Variants in BACE2 observed in about 807,000 individuals in gnomAD.
BACE2 encodes beta-secretase 2, also known as 56 kDa aspartic-like protease.
Under a neutral mutation model 46.2 loss-of-function variants are expected in BACE2, and 17 were observed. That is an observed-to-expected ratio of 0.37 (90% CI 0.25 to 0.55). BACE2 has a LOEUF of 0.55. BACE2 is among the 20% of genes least tolerant of loss of function. BACE2 has a pLI of 0.82. For missense variants in BACE2, 595 were observed against 698.1 expected (o/e 0.85, Z 1.66); for synonymous variants, 277 against 295.9 (o/e 0.94, Z 0.66).
At position 41,281,185 on chromosome 21, in the gene BACE2, C is replaced by T. The variant is rs541384205; in HGVS notation, c.*5561C>T. 1.3e-5 allele frequency: 2 copies of T among 152,318 alleles called. No homozygotes were observed. The highest frequency in any genetic ancestry group is 4.8e-5 in the African/African-American group (2 of 41,576). 9.4% of individuals were successfully genotyped at this position (152,318 alleles called of 1,614,324 possible). On this transcript the variant is annotated 3_prime_UTR_variant, in exon 9 of 9. Transcript: ENST00000330333. ...AGATGGATAATTGTTTGTGTAAGAC[C>T]AACCAGATAAAGTCCAAACTGTGTA...
At chr21:41,221,608 G>T (rs55933613) in intron 1 of BACE2, among the ~76,000 whole-genome samples, 2 of 152,022 alleles carry the variant, frequency 1.3e-5, no homozygotes, top group African/African-American at 4.8e-5. Flanking sequence ...GGTGGATCAC[G>T]AGGTCAGGAG....
At chr21:41,263,331 A>G (rs1054857732) in intron 8 of BACE2, among the ~76,000 whole-genome samples, 1 of 152,204 alleles carries the variant, frequency 6.6e-6, no homozygotes, top group Non-Finnish European at 1.5e-5. Flanking sequence ...ACTTAACCAG[A>G]AGGTTCATAA....
chr21:41,246,099 C>G, intron 6 of BACE2, 36 bp downstream of exon 6: 7 of 1,534,950 alleles, frequency 4.6e-6, no homozygotes, highest in Non-Finnish European at 6.2e-6. Flanking sequence ...CCCCGAGTTG[C>G]TGAGTTACAG....
At chr21:41,206,412 C>T (rs1986125632) in intron 1 of BACE2, among the ~76,000 whole-genome samples, 1 of 152,154 alleles carries the variant, frequency 6.6e-6, no homozygotes, top group Non-Finnish European at 1.5e-5. Context: ...GCAGGGGATA[C>T]AAACAATCAG....
intron 1 of BACE2, among the ~76,000 whole-genome samples, chr21:41,218,327 G>GA (rs1256187448): frequency 6.6e-6 from 1 of 152,122 alleles, no homozygotes; most frequent in Non-Finnish European, 1.5e-5. Context: ...AAAGTGTTAA[G>GA]AAAAAAAATA....
chr21:41,170,213 A>AT (rs1175875457), intron 1 of BACE2, among the ~76,000 whole-genome samples: 2 of 37,040 alleles, frequency 5.4e-5, no homozygotes, highest in Non-Finnish European at 9.0e-5. Context: ...AACTTTGGCA[A>AT]TCAAAAAAAA....
chr21:41,215,519 G>T (rs1011723180), intron 1 of BACE2, among the ~76,000 whole-genome samples: 4 of 152,222 alleles, frequency 2.6e-5, no homozygotes, highest in Non-Finnish European at 5.9e-5. Flanking sequence ...GATGTTGGCG[G>T]CAGGGTTGGA....
At chr21:41,255,569 T>G (rs1024882507) in intron 7 of BACE2, among the ~76,000 whole-genome samples, 2 of 152,182 alleles carry the variant, frequency 1.3e-5, no homozygotes, top group Non-Finnish European at 2.9e-5. Flanking sequence ...CTTCCCGCCC[T>G]ATGGTTACTG....
At position 41,190,849 on chromosome 21, in the gene BACE2, C is replaced by T. The variant is rs533867727; in HGVS notation, c.312+22274C>T. Among the ~76,000 whole-genome samples the T allele has an allele frequency of 7.2e-5, 11 of 152,300 alleles. No homozygotes were observed. In the South Asian group the frequency reaches 1.2e-3, roughly 17 times the overall value. On this transcript the variant is annotated intron_variant, in intron 1 of 8. Transcript: ENST00000330333. The stretch of plus-strand genomic sequence containing the variant: ...TCTTGATAGTCTGGGTCAATCACCC[C>T]GGCCAACTGTAACTCCCATCTTAGC...
chr21:41,208,436 C>T (rs2410405), intron 1 of BACE2, among the ~76,000 whole-genome samples: 49,988 of 152,088 alleles, frequency 0.33, 8,658 homozygotes, highest in Middle Eastern at 0.49. Flanking sequence ...CTGCTCCACT[C>T]GCCCAAGCCG....
intron 1 of BACE2, among the ~76,000 whole-genome samples, chr21:41,223,051 G>A (rs1295394611): frequency 1.3e-5 from 2 of 152,102 alleles, no homozygotes; most frequent in Non-Finnish European, 2.9e-5. Flanking sequence ...CACAAACTGA[G>A]AGCTGAAAAC....
intron 1 of BACE2, chr21:41,183,975 C>T (rs1985252966): frequency 6.0e-6 from 1 of 167,030 alleles, no homozygotes; most frequent in Non-Finnish European, 1.5e-5. Context: ...TCCTGAGGGG[C>T]AAGGAGGCTT....
At chr21:41,204,010 G>A (rs1354789456) in intron 1 of BACE2, among the ~76,000 whole-genome samples, 1 of 152,106 alleles carries the variant, frequency 6.6e-6, no homozygotes, top group Admixed American at 6.5e-5. Flanking sequence ...TACTGTGGAG[G>A]AGAACAGAGA....
chr21:41,214,661 C>T (rs1307697789), intron 1 of BACE2, among the ~76,000 whole-genome samples: 1 of 152,218 alleles, frequency 6.6e-6, no homozygotes, highest in African/African-American at 2.4e-5. Flanking sequence ...CTGCCACTTG[C>T]CCTTCACTGC....
chr21:41,219,973 C>G (rs1391927529), intron 1 of BACE2, among the ~76,000 whole-genome samples: 5 of 152,190 alleles, frequency 3.3e-5, no homozygotes, highest in African/African-American at 7.2e-5. Context: ...CCCAGTCCCC[C>G]AAGACTGCCC....
intron 1 of BACE2, chr21:41,180,175 T>G (rs971953839): frequency 1.4e-5 from 3 of 222,138 alleles, no homozygotes. Flanking sequence ...GGGTGGTAAC[T>G]TCTGGGTGCT....
At chr21:41,236,944 C>G (rs1208691022) in intron 2 of BACE2, among the ~76,000 whole-genome samples, 1 of 152,226 alleles carries the variant, frequency 6.6e-6, no homozygotes, top group Non-Finnish European at 1.5e-5. Flanking sequence ...ATGTTTACAC[C>G]AGTGCGTCCC....
At position 41,275,773 on chromosome 21, in the gene BACE2, T is replaced by G. The variant is rs2123657513; in HGVS notation, c.*149T>G. 1 of 873,432 alleles carries G rather than the reference T, an allele frequency of 1.1e-6. No homozygotes were observed. The highest frequency in any genetic ancestry group is 1.9e-5 in the South Asian group (1 of 53,160). The allele number at this position is 873,432 out of a possible 1,614,324, so 54.1% of individuals were successfully genotyped here. On this transcript the variant is annotated 3_prime_UTR_variant, in exon 9 of 9. Transcript: ENST00000330333. Reference sequence around the variant, plus strand: ...GCTCCCAGATGCCTTCTAGATTCACTGTCTTTTGATTCTTGATTTTCAAGC... The same window carrying G: ...GCTCCCAGATGCCTTCTAGATTCACGGTCTTTTGATTCTTGATTTTCAAGC...
chr21:41,239,212 A>C (rs1987221595), intron 3 of BACE2, among the ~76,000 whole-genome samples: 1 of 152,072 alleles, frequency 6.6e-6, no homozygotes, highest in African/African-American at 2.4e-5. Flanking sequence ...GGCAAGAGGA[A>C]GTTTACAGCC....
Sources: allele counts gnomAD v4.1 joint callset (sites outside exome capture counted in the v4.1 genomes callset), GRCh38; gene constraint gnomAD v4.1.1; transcripts MANE v1.5; gene names NCBI Gene and HGNC (gene_info 2026-07-23, HGNC 2026-07-21).